The following CLSTN2 variants were observed in gnomAD, a reference collection of about 807,000 sequenced individuals.
The protein encoded by CLSTN2 is calsyntenin 2.
A neutral mutation model predicts 101.2 loss-of-function variants in CLSTN2; 48 were observed. That is an observed-to-expected ratio of 0.47 (90% CI 0.38 to 0.60). CLSTN2 has a LOEUF of 0.60. Ranked by LOEUF, CLSTN2 falls within the 20% of genes least tolerant of loss-of-function variation. CLSTN2 has a pLI of 0.00. For missense variants in CLSTN2, 1,160 were observed against 1,238.2 expected, an observed-to-expected ratio of 0.94 and a Z score of 0.95; for synonymous variants, 481 against 463.6, an observed-to-expected ratio of 1.04 and a Z score of -0.48.
chr3:139,953,362 T>G (rs1287161032), intron 1 of CLSTN2, among the ~76,000 whole-genome samples: 2 of 152,006 alleles, frequency 1.3e-5, no homozygotes, highest in Admixed American at 1.3e-4. Context: ...GACACGCAAT[T>G]TACTCATGTA....
intron 1 of CLSTN2, among the ~76,000 whole-genome samples, chr3:139,993,460 G>A (rs999409649): frequency 1.4e-4 from 21 of 152,094 alleles, no homozygotes; most frequent in African/African-American, 5.1e-4. Flanking sequence ...GAAGAGGAGG[G>A]GTGAACAATG....
At chr3:140,539,864 G>A (rs758816771) in intron 9 of CLSTN2, among the ~76,000 whole-genome samples, 1 of 152,194 alleles carries the variant, frequency 6.6e-6, no homozygotes, top group African/African-American at 2.4e-5. Flanking sequence ...TATGTATACT[G>A]CTGGACCACC....
At chr3:140,028,007 A>C (rs556524584) in intron 1 of CLSTN2, among the ~76,000 whole-genome samples, 1 of 152,282 alleles carries the variant, frequency 6.6e-6, no homozygotes, top group South Asian at 2.1e-4. Context: ...CCTCCCATGC[A>C]TGCTGTGCAG....
chr3:140,227,805 G>T (rs1423983786), intron 2 of CLSTN2, among the ~76,000 whole-genome samples: 1 of 152,178 alleles, frequency 6.6e-6, no homozygotes, highest in African/African-American at 2.4e-5. Flanking sequence ...AAGGCTTGGG[G>T]CTTCCACCCT....
chr3:140,312,402 G>A (rs914494453), intron 2 of CLSTN2, among the ~76,000 whole-genome samples: 9 of 152,210 alleles, frequency 5.9e-5, no homozygotes, highest in Non-Finnish European at 1.2e-4. Context: ...CGCATCTGAG[G>A]AATCTTTTTT....
chr3:140,350,198 G>A (rs1385594333), intron 2 of CLSTN2, among the ~76,000 whole-genome samples: 1 of 152,218 alleles, frequency 6.6e-6, no homozygotes, highest in Non-Finnish European at 1.5e-5. Flanking sequence ...GCTGAATGGA[G>A]CACATTTCAG....
At chr3:140,554,058 C>T (rs990190490) in intron 10 of CLSTN2, among the ~76,000 whole-genome samples, 1 of 152,066 alleles carries the variant, frequency 6.6e-6, no homozygotes, top group African/African-American at 2.4e-5. Flanking sequence ...AGGCAGAGTC[C>T]CTGTGCTCAG....
Position 140,152,042 on chromosome 3 carries a change from G to C in CLSTN2, c.110-23909G>C, listed in dbSNP as rs553889066. Among the ~76,000 whole-genome samples the C allele has an allele frequency of 2.0e-5, 3 of 152,162 alleles. No homozygotes were observed. The East Asian group carries it at 5.8e-4, about 29-fold the overall frequency. On this transcript the variant is annotated intron_variant, in intron 1 of 16. Transcript: ENST00000458420. ...CCCAGCCCCTGGCTCCTGAAAGCCTGTAAAGATGAATTCATCCTTGACCTC... is the reference window on the plus strand; with the variant it reads ...CCCAGCCCCTGGCTCCTGAAAGCCTCTAAAGATGAATTCATCCTTGACCTC...
intron 2 of CLSTN2, among the ~76,000 whole-genome samples, chr3:140,310,388 T>C (rs2087156131): frequency 6.6e-6 from 1 of 151,564 alleles, no homozygotes; most frequent in African/African-American, 2.4e-5. Context: ...ACTCATTTGG[T>C]TTCCCAAGCT....
intron 2 of CLSTN2, among the ~76,000 whole-genome samples, chr3:140,390,043 C>G (rs1438181754): frequency 1.3e-5 from 2 of 151,002 alleles, no homozygotes; most frequent in African/African-American, 2.4e-5. Context: ...ATAGAATTCA[C>G]CAATGAAGCC....
At chr3:139,980,195 A>G (rs1453715082) in intron 1 of CLSTN2, among the ~76,000 whole-genome samples, 1 of 152,018 alleles carries the variant, frequency 6.6e-6, no homozygotes, top group Non-Finnish European at 1.5e-5. Flanking sequence ...CTTCCCAGGC[A>G]TCTATGTTTC....
At chr3:140,071,133 T>C (rs779257052) in intron 1 of CLSTN2, among the ~76,000 whole-genome samples, 1 of 152,010 alleles carries the variant, frequency 6.6e-6, no homozygotes, top group Non-Finnish European at 1.5e-5. Context: ...GGTACAAATA[T>C]TGGGAGAACT....
chr3:140,319,705 G>A (rs4142786), intron 2 of CLSTN2, among the ~76,000 whole-genome samples: 9,030 of 152,284 alleles, frequency 0.059, 604 homozygotes, highest in African/African-American at 0.16. Context: ...ACACATGGAA[G>A]GTTCTGAGCA....
At chr3:140,183,444 G>T (rs1021628426) in intron 2 of CLSTN2, among the ~76,000 whole-genome samples, 2 of 152,318 alleles carry the variant, frequency 1.3e-5, no homozygotes, top group South Asian at 2.1e-4. Flanking sequence ...CTAAGAGATT[G>T]CTTGAGAGAA....
At chr3:140,122,242 A>T (rs1326759460) in intron 1 of CLSTN2, among the ~76,000 whole-genome samples, 1 of 152,114 alleles carries the variant, frequency 6.6e-6, no homozygotes, top group Non-Finnish European at 1.5e-5. Context: ...ACCTATCCCC[A>T]CTACAGGAAC....
intron 2 of CLSTN2, among the ~76,000 whole-genome samples, chr3:140,250,745 G>A (rs563669757): frequency 6.6e-6 from 1 of 152,298 alleles, no homozygotes; most frequent in South Asian, 2.1e-4. Flanking sequence ...AAGGGGAGAG[G>A]AGCATTCTCT....
intron 8 of CLSTN2, among the ~76,000 whole-genome samples, chr3:140,516,146 A>G (rs922547935): frequency 3.3e-5 from 5 of 152,178 alleles, no homozygotes; most frequent in Non-Finnish European, 1.5e-5. Context: ...TGATATAAGA[A>G]TAGCTACTCC....
intron 2 of CLSTN2, among the ~76,000 whole-genome samples, chr3:140,390,576 G>A (rs1048427071): frequency 6.6e-6 from 1 of 152,170 alleles, no homozygotes; most frequent in African/African-American, 2.4e-5. Flanking sequence ...TTCTGCAGTT[G>A]GATGTAGTAT....
At chr3:140,558,179 C>A (rs1480013193) in intron 11 of CLSTN2, among the ~76,000 whole-genome samples, 1 of 152,176 alleles carries the variant, frequency 6.6e-6, no homozygotes, top group African/African-American at 2.4e-5. Flanking sequence ...TGCTCTCACA[C>A]CTAGAAAAGG....
Sources: gnomAD v4.1 joint callset for allele counts (sites outside exome capture counted in the v4.1 genomes callset) on GRCh38, gnomAD v4.1.1 for gene constraint, MANE v1.5 for transcripts, NCBI Gene and HGNC (gene_info 2026-07-23, HGNC 2026-07-21) for gene names.